Variants in LIMK2 observed in about 807,000 individuals in gnomAD.
LIMK2 encodes LIM domain kinase 2.
Under a neutral mutation model 75.7 loss-of-function variants are expected in LIMK2, and 35 were observed. The observed-to-expected ratio is 0.46, with a 90% CI of 0.35 to 0.61. LIMK2 has a LOEUF of 0.61. Ranked by LOEUF, LIMK2 falls within the 20% of genes least tolerant of loss-of-function variation. LIMK2 has a pLI of 0.00. For missense variants in LIMK2, 623 were observed against 831.0 expected, an observed-to-expected ratio of 0.75 and a Z score of 3.08; for synonymous variants, 301 against 319.2, an observed-to-expected ratio of 0.94 and a Z score of 0.61.
At chr22:31,246,924 G>A (rs1224357407) in intron 2 of LIMK2, among the ~76,000 whole-genome samples, 5 of 152,162 alleles carry the variant, frequency 3.3e-5, no homozygotes, top group Non-Finnish European at 7.3e-5. Context: ...TAAATGCTAA[G>A]CACTTAACAC....
rs373790447 is a variant in LIMK2 at position 31,225,712 on chromosome 22, G to A, written c.17-8G>A. The A allele has an allele frequency of 6.8e-6, 11 of 1,612,480 alleles. No individual in the cohort carries two copies. In the East Asian group the frequency reaches 2.2e-4, roughly 33 times the overall value. On this transcript the variant is annotated splice_region_variant and splice_polypyrimidine_tract_variant and intron_variant, in intron 1 of 15. Coordinates refer to ENST00000331728, the MANE Select transcript of LIMK2 (RefSeq NM_005569.4). ...TTGGGCCTCTCAACCTCTTGGTTTTGTGTGCAGGTGAAGATGTCTGGAGGT... is the reference window on the plus strand; with the variant it reads ...TTGGGCCTCTCAACCTCTTGGTTTTATGTGCAGGTGAAGATGTCTGGAGGT...
chr22:31,220,297 A>G (rs1347943716), intron 1 of LIMK2, among the ~76,000 whole-genome samples: 1 of 152,246 alleles, frequency 6.6e-6, no homozygotes, highest in Non-Finnish European at 1.5e-5. Context: ...GAGACTACTC[A>G]TAGGTAATCT....
intron 2 of LIMK2, among the ~76,000 whole-genome samples, chr22:31,253,556 G>C (rs2048746526): frequency 6.6e-6 from 1 of 152,248 alleles, no homozygotes. Flanking sequence ...AGGGTCTTGA[G>C]CTGTCAGGGC....
chr22:31,259,419 C>G (rs1277105458), intron 4 of LIMK2, among the ~76,000 whole-genome samples, 189 bp downstream of exon 4: 1 of 152,006 alleles, frequency 6.6e-6, no homozygotes, highest in Non-Finnish European at 1.5e-5. Context: ...ACCCTTTTTC[C>G]TTACCAACCT....
intron 11 of LIMK2, among the ~76,000 whole-genome samples, chr22:31,270,801 T>C (rs912195584): frequency 2.4e-4 from 37 of 151,818 alleles, no homozygotes; most frequent in African/African-American, 8.7e-4. Context: ...CTAAGTAAAA[T>C]GGGTAGAGGT....
rs748595927 is a variant in LIMK2, at chr22:31,227,713, C to T, written c.116+1894C>T. 9.9e-5 allele frequency among the ~76,000 whole-genome samples: 15 copies of T among 152,200 alleles called. No homozygotes were observed. In the East Asian group the frequency reaches 1.2e-3, roughly 12 times the overall value. On this transcript the variant is annotated intron_variant, in intron 2 of 15. Transcript: ENST00000331728. ...CCCAATGAGTTCACAGATTGGGTCT[C>T]GCCTTGGCATGTAACCCATATGTTC...
chr22:31,258,493 C>T (rs2123834395), intron 3 of LIMK2, 67 bp downstream of exon 3: 1 of 1,526,598 alleles, frequency 6.6e-7, no homozygotes, highest in Non-Finnish European at 9.0e-7. Context: ...TTCCAGTTCC[C>T]TGTGGCCTGT....
chr22:31,213,817 C>CTTTTTTTTT (rs71689139), intron 1 of LIMK2, among the ~76,000 whole-genome samples: 6 of 145,334 alleles, frequency 4.1e-5, no homozygotes, highest in Non-Finnish European at 3.0e-5. Flanking sequence ...TTTCCAGTAA[C>CTTTTTTTTT]TTTTTTTTTT....
chr22:31,241,186 G>C (rs534385548), intron 2 of LIMK2, among the ~76,000 whole-genome samples: 3 of 152,270 alleles, frequency 2.0e-5, no homozygotes, highest in African/African-American at 4.8e-5. Flanking sequence ...CTGACCAGAG[G>C]GTCCAATGCT....
At chr22:31,248,692 C>T (rs899575190) in intron 2 of LIMK2, 2 of 1,614,104 alleles carry the variant, frequency 1.2e-6, no homozygotes, top group Non-Finnish European at 1.7e-6. Context: ...TGCAGCTGAG[C>T]CTGTCTATCT....
intron 11 of LIMK2, among the ~76,000 whole-genome samples, chr22:31,268,637 G>A (rs1176566092): frequency 1.3e-5 from 2 of 152,196 alleles, no homozygotes; most frequent in African/African-American, 4.8e-5. Flanking sequence ...AGTGACAGGA[G>A]CAAAGACCTG....
intron 2 of LIMK2, among the ~76,000 whole-genome samples, chr22:31,232,408 A>G (rs2048537215): frequency 1.3e-5 from 2 of 152,136 alleles, no homozygotes; most frequent in Non-Finnish European, 2.9e-5. Flanking sequence ...CATCTCATGG[A>G]GTAGTTGTGA....
intron 2 of LIMK2, among the ~76,000 whole-genome samples, chr22:31,251,700 G>T (rs2048726647): frequency 6.6e-6 from 1 of 152,182 alleles, no homozygotes; most frequent in African/African-American, 2.4e-5. Context: ...AATAATTACA[G>T]CTTAATTGGC....
intron 11 of LIMK2, among the ~76,000 whole-genome samples, chr22:31,269,251 T>C (rs1487154022): frequency 1.3e-5 from 2 of 150,858 alleles, no homozygotes; most frequent in Non-Finnish European, 3.0e-5. Context: ...ACTACAGGTG[T>C]GTACCACCAC....
chr22:31,269,286 C>CTTTTTTTTTT (rs796361643), intron 11 of LIMK2, among the ~76,000 whole-genome samples: 23 of 95,460 alleles, frequency 2.4e-4, no homozygotes, highest in Non-Finnish European at 3.1e-4. Flanking sequence ...ATTTTTTTTT[C>CTTTTTTTTTT]TTTTTTTTTT....
Position 31,273,481 on chromosome 22 carries a change from T to A in LIMK2, c.1588T>A (p.Phe530Ile). The A allele has an allele frequency of 6.2e-7, 1 of 1,613,682 alleles. No homozygotes were observed. Among genetic ancestry groups the A allele is most frequent in the African/African-American group, 1.3e-5 (1 of 75,024 alleles). Residue 530 changes from phenylalanine to isoleucine, a missense_variant, in exon 14 of 16, where the codon TTC becomes ATC. Transcript: ENST00000331728. Reference sequence around the variant, plus strand: ...GAGCTATGATGAGACGGTGGATATCTTCTCCTTTGGGATCGTTCTCTGTGA... The same window carrying A: ...GAGCTATGATGAGACGGTGGATATCATCTCCTTTGGGATCGTTCTCTGTGA... ...GKSYDETVDI[F>I]SFGIVLCEII...
At chr22:31,216,528 G>GT (rs1415320340) in intron 1 of LIMK2, among the ~76,000 whole-genome samples, 1 of 152,150 alleles carries the variant, frequency 6.6e-6, no homozygotes, top group Admixed American at 6.5e-5. Flanking sequence ...CAATCTGGAG[G>GT]TGGGTATAGT....
intron 12 of LIMK2, among the ~76,000 whole-genome samples, chr22:31,272,063 GT>G (rs1049134428): frequency 3.9e-4 from 60 of 151,930 alleles, no homozygotes; most frequent in African/African-American, 1.2e-3. Flanking sequence ...TTTTTGTTTT[GT>G]TTTGTTTTGT....
chr22:31,235,972 G>A (rs193132833), intron 2 of LIMK2, among the ~76,000 whole-genome samples: 10 of 152,278 alleles, frequency 6.6e-5, no homozygotes, highest in Non-Finnish European at 1.5e-4. Context: ...CAAGTTACTT[G>A]CCCTTTGTGT....
Sources: allele counts gnomAD v4.1 joint callset (sites outside exome capture counted in the v4.1 genomes callset), GRCh38; gene constraint gnomAD v4.1.1; transcripts MANE v1.5; gene names NCBI Gene and HGNC (gene_info 2026-07-23, HGNC 2026-07-21).